Variants in EFCAB6 observed in about 807,000 individuals in gnomAD.
EFCAB6 encodes the protein EF-hand calcium binding domain 6, also known as EF-hand calcium-binding domain-containing protein 6.
In EFCAB6, 156 loss-of-function variants were observed where a neutral mutation model predicts 169.8. The observed-to-expected ratio is 0.92, with a 90% CI of 0.81 to 1.05. The LOEUF (loss-of-function observed/expected upper bound fraction) is 1.05, where lower values mean the gene tolerates loss of function less well. Ranked by LOEUF, EFCAB6 falls within the 50% of genes least tolerant of loss-of-function variation. The probability of loss-of-function intolerance (pLI) is 0.00; values close to 1 mark genes in which losing one functional copy is unlikely to be tolerated. For synonymous variants in EFCAB6, 698 were observed against 676.4 expected (o/e 1.03, Z -0.50); for missense variants, 1,800 against 1,829.1 (o/e 0.98, Z 0.29).
At chr22:43,592,406 C>T (rs1190540652) in intron 23 of EFCAB6, among the ~76,000 whole-genome samples, 2 of 152,152 alleles carry the variant, frequency 1.3e-5, no homozygotes, top group African/African-American at 4.8e-5. Context: ...CTATTATATT[C>T]CACTTAATCC....
intron 2 of EFCAB6, among the ~76,000 whole-genome samples, chr22:43,808,162 A>G (rs1254546240): frequency 2.0e-5 from 3 of 152,230 alleles, no homozygotes; most frequent in Non-Finnish European, 2.9e-5. Flanking sequence ...ATGATATGGT[A>G]TAACGATTTC....
At chr22:43,750,828 C>T (rs1047372587) in intron 6 of EFCAB6, among the ~76,000 whole-genome samples, 9 of 152,180 alleles carry the variant, frequency 5.9e-5, no homozygotes, top group African/African-American at 2.2e-4. Context: ...CTACCCACCA[C>T]TTTTGTCTCT....
intron 1 of EFCAB6, among the ~76,000 whole-genome samples, chr22:43,809,902 A>G (rs1023486918): frequency 4.6e-5 from 7 of 152,144 alleles, no homozygotes; most frequent in African/African-American, 1.7e-4. Context: ...CACCGCGCAC[A>G]GCCTGTTTTG....
At chr22:43,774,031 T>C (rs1277399700) in intron 3 of EFCAB6, among the ~76,000 whole-genome samples, 2 of 151,942 alleles carry the variant, frequency 1.3e-5, no homozygotes, top group African/African-American at 2.4e-5. Context: ...AGAGGAACAA[T>C]AGGTAGGAAA....
rs6006541 is a variant in EFCAB6 at position 43,766,607 on chromosome 22, C to T, written c.352-1214G>A. 3.8e-3 allele frequency among the ~76,000 whole-genome samples: 570 copies of T among 151,750 alleles called. 6 individuals carry two copies. Among genetic ancestry groups the T allele is most frequent in the African/African-American group, 0.013 (542 of 41,388 alleles). On this transcript the variant is annotated intron_variant, in intron 4 of 31. Coordinates refer to ENST00000262726, the MANE Select transcript of EFCAB6 (RefSeq NM_022785.4). Reference sequence around the variant, plus strand: ...TCAGCTCACTGCAAACTCTGCCTCCCGGGTTCAAGCAATTCTCCTGCCTCA... The same window carrying T: ...TCAGCTCACTGCAAACTCTGCCTCCTGGGTTCAAGCAATTCTCCTGCCTCA...
rs1355269831 is a variant in EFCAB6, at chr22:43,744,070, CGGATGAAT to C, written c.508-8085_508-8078del. ...GGTTATGGATGCATGGATGGATGAA[CGGATGAAT>C]GGATGAATGATGAATGAATGAATGA... On this transcript the variant is annotated intron_variant, in intron 6 of 31. Coordinates refer to ENST00000262726, the MANE Select transcript of EFCAB6 (RefSeq NM_022785.4). This position sits in a 1 kb window ranked among gnomAD's most constrained non-coding sequence, Gnocchi z 4.3. Among the ~76,000 whole-genome samples the C allele has an allele frequency of 6.1e-5, 9 of 147,484 alleles. No homozygotes were observed. Among genetic ancestry groups the C allele is most frequent in the African/African-American group, 2.3e-4 (9 of 39,466 alleles).
intron 7 of EFCAB6, among the ~76,000 whole-genome samples, chr22:43,734,715 T>C (rs2060071132): frequency 6.6e-6 from 1 of 152,178 alleles, no homozygotes; most frequent in Admixed American, 6.5e-5. Flanking sequence ...TGTTTTATAT[T>C]CTGAGGTGGG....
intron 20 of EFCAB6, among the ~76,000 whole-genome samples, chr22:43,625,143 C>T (rs747657885): frequency 6.6e-6 from 1 of 151,914 alleles, no homozygotes; most frequent in African/African-American, 2.4e-5. Context: ...GAAAAATCAG[C>T]GTGTAAGATC....
At position 43,744,834 on chromosome 22, in the gene EFCAB6, G is replaced by A. The variant is rs1423439141; in HGVS notation, c.508-8841C>T. On this transcript the variant is annotated intron_variant, in intron 6 of 31. Transcript: ENST00000262726. The surrounding 1 kb of genome is among the most constrained non-coding windows in gnomAD (Gnocchi z 4.3). ...CATGATCTGGGGGAGAGAGGAAGCA[G>A]AAAGAAGGAGGGAGGTACAGCCAGT... Among the ~76,000 whole-genome samples, 1 of 152,192 alleles carries A rather than the reference G, an allele frequency of 6.6e-6. No individual in the cohort carries two copies. The highest frequency in any genetic ancestry group is 2.1e-4 in the South Asian group (1 of 4,834).
chr22:43,738,855 T>C (rs1013709699), intron 6 of EFCAB6, among the ~76,000 whole-genome samples: 1 of 152,116 alleles, frequency 6.6e-6, no homozygotes, highest in Non-Finnish European at 1.5e-5. Context: ...CCTGGCTCCA[T>C]CCCCACATGA....
chr22:43,711,453 A>G, intron 10 of EFCAB6, 22 bp downstream of exon 10: 2 of 1,541,126 alleles, frequency 1.3e-6, no homozygotes, highest in South Asian at 2.5e-5. Flanking sequence ...AAAAAATGTC[A>G]AGGAAACAAT....
At chr22:43,802,807 TCTGATGACTGTACAGTTTGA>T (rs2062772795) in intron 2 of EFCAB6, 1 of 485,944 alleles carries the variant, frequency 2.1e-6, no homozygotes, top group Admixed American at 2.3e-5. Flanking sequence ...ACTGTGTACC[TCTGATGACTGTACAGTTTGA>T]AATACTATTT....
At chr22:43,712,762 T>C (rs1252104466) in intron 9 of EFCAB6, among the ~76,000 whole-genome samples, 2 of 151,638 alleles carry the variant, frequency 1.3e-5, no homozygotes, top group African/African-American at 2.4e-5. Context: ...CCATTTTTAA[T>C]GTCTTAATGA....
Position 43,537,865 on chromosome 22 carries a change from A to AT in EFCAB6, c.3880-321dup, listed in dbSNP as rs1317873612. 3.3e-5 allele frequency among the ~76,000 whole-genome samples: 5 copies of AT among 152,002 alleles called. No individual in the cohort carries two copies. Among genetic ancestry groups the AT allele is most frequent in the African/African-American group, 7.2e-5 (3 of 41,394 alleles). ...TGTGTGTGAGAAGTGACAACGACAA[A>AT]TTTTTTCACTAGCGGAAGAGTCTTA... On this transcript the variant is annotated intron_variant, in intron 28 of 31. Coordinates refer to ENST00000262726, the MANE Select transcript of EFCAB6 (RefSeq NM_022785.4). This position sits in a 1 kb window ranked among gnomAD's most constrained non-coding sequence, Gnocchi z 4.3.
Position 43,632,171 on chromosome 22 carries a change from G to A in EFCAB6, c.2166C>T (p.Asn722=), listed in dbSNP as rs775742919. The A allele has an allele frequency of 6.8e-6, 11 of 1,614,000 alleles. No individual in the cohort carries two copies. Among genetic ancestry groups the A allele is most frequent in the Non-Finnish European group, 9.3e-6 (11 of 1,180,026 alleles). Residue 722 remains asparagine, a synonymous_variant, in exon 19 of 32, where the codon AAC becomes AAT. Coordinates refer to ENST00000262726, the MANE Select transcript of EFCAB6 (RefSeq NM_022785.4). ...ATTCTTCTGCGGTGATAAAGTGGCTGTTCACGTAACTTTTTGAAGGAGTTG... is the reference window on the plus strand; with the variant it reads ...ATTCTTCTGCGGTGATAAAGTGGCTATTCACGTAACTTTTTGAAGGAGTTG... ...QPPTPSKSYV[N]SHFITAEECL... is the part of the protein sequence containing the mutation.
At chr22:43,622,481 G>A (rs191776296) in intron 20 of EFCAB6, among the ~76,000 whole-genome samples, 46 of 152,200 alleles carry the variant, frequency 3.0e-4, no homozygotes, top group Admixed American at 1.3e-4. Context: ...CAGGAGAATC[G>A]CTTGAACCTG....
At position 43,615,910 on chromosome 22, in the gene EFCAB6, C is replaced by A; in HGVS notation, c.2478G>T (p.Lys826Asn). 6.2e-7 allele frequency: 1 copy of A among 1,613,000 alleles called. No homozygotes were observed. The highest frequency in any genetic ancestry group is 8.5e-7 in the Non-Finnish European group (1 of 1,179,756). Residue 826 changes from lysine to asparagine, a missense_variant, in exon 21 of 32, where the codon AAG becomes AAT. Transcript: ENST00000262726. Reference sequence around the variant, plus strand: ...CACAAGCTAGTTCTGAATCCGCAACCTTCTGTTTTGGTCTTAAAAGAAAAA... The same window carrying A: ...CACAAGCTAGTTCTGAATCCGCAACATTCTGTTTTGGTCTTAAAAGAAAAA... ...APQRLIRPKQKVADSELACEQ... is the reference protein window; with the variant it reads ...APQRLIRPKQNVADSELACEQ...
At chr22:43,681,434 G>C (rs1353591121) in intron 12 of EFCAB6, among the ~76,000 whole-genome samples, 1 of 152,142 alleles carries the variant, frequency 6.6e-6, no homozygotes, top group East Asian at 1.9e-4. Context: ...TGATGCCTTT[G>C]CTTGGTTTTG....
chr22:43,578,720 A>ATACACGCAGGCATCATTCCC (rs2050426749), intron 25 of EFCAB6, among the ~76,000 whole-genome samples: 1 of 144,116 alleles, frequency 6.9e-6, no homozygotes, highest in African/African-American at 2.6e-5. Context: ...GCATCATTCC[A>ATACACGCAGGCATCATTCCC]TACACACAGG....
Sources: gnomAD v4.1 joint callset for allele counts (sites outside exome capture counted in the v4.1 genomes callset) on GRCh38, gnomAD v4.1.1 for gene constraint, Gnocchi (gnomAD v3.1) non-coding constraint, MANE v1.5 for transcripts, NCBI Gene and HGNC (gene_info 2026-07-23, HGNC 2026-07-21) for gene names.